CYBC1: variants seen among roughly 807,000 people sequenced by gnomAD.
The protein encoded by CYBC1 is cytochrome b-245 chaperone 1, also known as essential for reactive oxygen species protein.
Under a neutral mutation model 21.7 loss-of-function variants are expected in CYBC1, and 22 were observed. That is an observed-to-expected ratio of 1.02 (90% confidence interval 0.73 to 1.45). The LOEUF (loss-of-function observed/expected upper bound fraction) is 1.45, where lower values mean the gene tolerates loss of function less well. CYBC1 is among the 40% of genes most tolerant of loss of function. The pLI is 0.00. For synonymous variants in CYBC1, 112 were observed against 98.7 expected (o/e 1.13, Z -0.80); for missense variants, 237 against 242.1 (o/e 0.98, Z 0.14).
rs757608362 is a variant in CYBC1 at position 82,443,301 on chromosome 17, C to G, written c.*703G>C. The G allele has an allele frequency of 2.1e-5, 8 of 382,164 alleles. No homozygotes were observed. Among genetic ancestry groups the G allele is most frequent in the South Asian group, 1.7e-4 (8 of 48,170 alleles). 23.7% of individuals were successfully genotyped at this position (382,164 alleles called of 1,614,324 possible). ...TTATGCTGAAGCTGAGTGTGAGGAA[C>G]AGAGAGACCTTTCTGTGACGACCGC... On this transcript the variant is annotated 3_prime_UTR_variant, in exon 7 of 7. Transcript: ENST00000306645. This position sits in a 1 kb window ranked among gnomAD's most constrained non-coding sequence, Gnocchi z 6.7.
In CYBC1 at chr17:82,443,548, C is replaced by T. The variant is rs768949629; in HGVS notation, c.*456G>A. On this transcript the variant is annotated 3_prime_UTR_variant, in exon 7 of 7. Coordinates refer to ENST00000306645, the MANE Select transcript of CYBC1 (RefSeq NM_001033046.4). The surrounding 1 kb of genome is among the most constrained non-coding windows in gnomAD (Gnocchi z 6.7). ...TGCAGCATCAGCACCCACAAGGGCC[C>T]GGCCTGGCCCCGCCTCTCCACTCGC... is the stretch of plus-strand genomic sequence containing the variant. The T allele has an allele frequency of 4.7e-5, 33 of 701,298 alleles. No homozygotes were observed. The highest frequency in any genetic ancestry group is 3.3e-4 in the South Asian group (22 of 66,776). The allele number at this position is 701,298 out of a possible 1,614,324, so 43.4% of individuals were successfully genotyped here.
rs182787465 is a variant in CYBC1, at chr17:82,442,765, C to T, written c.*1239G>A. ...GGCTTTCACCGAGGTCACAGCCAGA[C>T]GTGGGGCAAAGGTGTTCCCTGTCCT... On this transcript the variant is annotated 3_prime_UTR_variant, in exon 7 of 7. Transcript: ENST00000306645. This position sits in a 1 kb window ranked among gnomAD's most constrained non-coding sequence, Gnocchi z 6.8. 4.7e-6 allele frequency: 3 copies of T among 640,416 alleles called. No homozygotes were observed. The highest frequency in any genetic ancestry group is 4.3e-5 in the South Asian group (2 of 46,662). The allele number at this position is 640,416 out of a possible 1,614,324, so 39.7% of individuals were successfully genotyped here.
intron 5 of CYBC1, 24 bp from the exon 6 acceptor site, chr17:82,444,615 G>A (rs765843396): frequency 4.0e-5 from 63 of 1,577,624 alleles, no homozygotes; most frequent in Non-Finnish European, 5.2e-5. Context: ...GTCAGTGGCC[G>A]AGCCATCCCC....
intron 4 of CYBC1, 118 bp from the exon 5 acceptor site, chr17:82,446,078 TC>T: frequency 1.3e-6 from 1 of 771,858 alleles, no homozygotes; most frequent in Non-Finnish European, 2.1e-6. Flanking sequence ...CTGGGGACCC[TC>T]CCAGTCAGAA....
At position 82,445,272 on chromosome 17, in the gene CYBC1, G is replaced by C. The variant is rs527339699; in HGVS notation, c.298+592C>G. On this transcript the variant is annotated intron_variant, in intron 5 of 6. Coordinates refer to ENST00000306645, the MANE Select transcript of CYBC1 (RefSeq NM_001033046.4). ...GTGCGGCAGCATCTACAGGAAACTG[G>C]TACTGACCACAGCTGGGCCAGTGCC... 13 of 155,544 alleles carry C rather than the reference G, an allele frequency of 8.4e-5. No individual in the cohort carries two copies. The South Asian group carries it at 2.0e-3, about 23-fold the overall frequency. The allele number at this position is 155,544 out of a possible 1,614,324, so 9.6% of individuals were successfully genotyped here. A position where few individuals can be genotyped will look rare whatever the true frequency, so the allele number is the denominator to read the frequency against.
At position 82,445,529 on chromosome 17, in the gene CYBC1, G is replaced by A. The variant is rs529866801; in HGVS notation, c.298+335C>T. The A allele has an allele frequency of 2.1e-4, 46 of 215,146 alleles. 2 individuals carry two copies. In the South Asian group the frequency reaches 2.9e-3, roughly 14 times the overall value. 13.3% of individuals were successfully genotyped at this position (215,146 alleles called of 1,614,324 possible). On this transcript the variant is annotated intron_variant, in intron 5 of 6. Coordinates refer to ENST00000306645, the MANE Select transcript of CYBC1 (RefSeq NM_001033046.4). ...GCAGACGGGAGAATGCAGCTAAACA[G>A]AGGCTGCCCGAGCCCGGGTGGGCCA...
Position 82,442,988 on chromosome 17 carries a change from C to T in CYBC1, c.*1016G>A, listed in dbSNP as rs532581480. ...TACGGGGTGGGGAGAAGTCTGTAGC[C>T]GAGAGCCCAGCCCCCTCCTGCCAGG... On this transcript the variant is annotated 3_prime_UTR_variant, in exon 7 of 7. Coordinates refer to ENST00000306645, the MANE Select transcript of CYBC1 (RefSeq NM_001033046.4). The surrounding 1 kb of genome is among the most constrained non-coding windows in gnomAD (Gnocchi z 6.8). The T allele has an allele frequency of 9.5e-4, 196 of 206,666 alleles. No individual in the cohort carries two copies. The highest frequency in any genetic ancestry group is 1.8e-3 in the Non-Finnish European group (183 of 101,464). 12.8% of individuals were successfully genotyped at this position (206,666 alleles called of 1,614,324 possible). A position where few individuals can be genotyped will look rare whatever the true frequency, so the allele number is the denominator to read the frequency against.
At position 82,449,235 on chromosome 17, in the gene CYBC1, G is replaced by T. The variant is rs1391049955; in HGVS notation, c.20C>A (p.Thr7Asn). Residue 7 changes from threonine (T) to asparagine (N), a missense_variant, in exon 2 of 7, where the codon ACC becomes AAC. Transcript: ENST00000306645. The part of the protein sequence containing the change: MYLQVE[T>N]RTSSRLHLKR... ...CAGATGGAGGCGGGAGCTGGTGCGG[G>T]TCTCCACCTGCAGGTACATCCCGAG... The T allele has an allele frequency of 6.3e-7, 1 of 1,575,894 alleles. No individual in the cohort carries two copies. The highest frequency in any genetic ancestry group is 2.3e-5 in the East Asian group (1 of 43,062).
intron 3 of CYBC1, 48 bp downstream of exon 3, chr17:82,447,532 C>T (rs752264294): frequency 6.7e-7 from 1 of 1,483,116 alleles, no homozygotes; most frequent in Non-Finnish European, 9.3e-7. Flanking sequence ...TCTCTGTTTT[C>T]CAAACAGCTG....
In CYBC1 at chr17:82,443,905, A is replaced by C. The variant is rs1205546889; in HGVS notation, c.*99T>G. On this transcript the variant is annotated 3_prime_UTR_variant, in exon 7 of 7. Transcript: ENST00000306645. This position sits in a 1 kb window ranked among gnomAD's most constrained non-coding sequence, Gnocchi z 6.7. ...GTGCACGGGCTCAGGCACACCGGGA[A>C]TGTGCCACGGGTCCTGTGGGCGGTG... 1.1e-6 allele frequency: 1 copy of C among 900,160 alleles called. No individual in the cohort carries two copies. The highest frequency in any genetic ancestry group is 1.3e-5 in the South Asian group (1 of 76,532). The allele number at this position is 900,160 out of a possible 1,614,324, so 55.8% of individuals were successfully genotyped here. A position where few individuals can be genotyped will look rare whatever the true frequency, so the allele number is the denominator to read the frequency against.
Position 82,442,606 on chromosome 17 carries a change from C to A in CYBC1, c.*1398G>T. The A allele has an allele frequency of 6.5e-7, 1 of 1,549,948 alleles. No homozygotes were observed. The highest frequency in any genetic ancestry group is 8.8e-7 in the Non-Finnish European group (1 of 1,141,748). On this transcript the variant is annotated 3_prime_UTR_variant, in exon 7 of 7. Coordinates refer to ENST00000306645, the MANE Select transcript of CYBC1 (RefSeq NM_001033046.4). This position sits in a 1 kb window ranked among gnomAD's most constrained non-coding sequence, Gnocchi z 6.8. Reference sequence around the variant, plus strand: ...CCCGCTTTGTGATCTGCATGTGTGACACTGATTCTTTGGAAATAAAGAGTG... The same window carrying A: ...CCCGCTTTGTGATCTGCATGTGTGAAACTGATTCTTTGGAAATAAAGAGTG...
chr17:82,445,419 G>A (rs776856697), intron 5 of CYBC1: 15 of 166,318 alleles, frequency 9.0e-5, no homozygotes, highest in South Asian at 2.6e-4. Context: ...ACTCCAGAAC[G>A]CCCACGGGCT....
At position 82,444,457 on chromosome 17, in the gene CYBC1, C is replaced by G. The variant is rs773343112; in HGVS notation, c.433G>C (p.Gly145Arg). Residue 145 changes from glycine (G) to arginine (R), a missense_variant, in exon 6 of 7, where the codon GGC (glycine) becomes CGC (arginine). By Grantham distance (125) the Gly-to-Arg change is moderately radical. Coordinates refer to ENST00000306645, the MANE Select transcript of CYBC1 (RefSeq NM_001033046.4). ...SHPLTQSAVM[G>R]HRSDVEAIAK... ...GTCCCACAGCCTTACCTGCGGTGGC[C>G]CATGACTGCACTCTGCGTGAGGGGG... is the stretch of plus-strand genomic sequence containing the variant. 1.3e-5 allele frequency: 21 copies of G among 1,609,022 alleles called. No homozygotes were observed. The highest frequency in any genetic ancestry group is 1.7e-5 in the Non-Finnish European group (20 of 1,176,422).
At chr17:82,444,888 C>T (rs1464764605) in intron 5 of CYBC1, 9 of 357,960 alleles carry the variant, frequency 2.5e-5, no homozygotes, top group African/African-American at 2.1e-5. Flanking sequence ...GCCATCTTTA[C>T]ACTGCACTGT....
intron 1 of CYBC1, 167 bp downstream of exon 1, chr17:82,450,533 C>G (rs1381111094): frequency 6.6e-6 from 1 of 152,224 alleles, no homozygotes; most frequent in Non-Finnish European, 1.5e-5. Flanking sequence ...CGGGGCCAAC[C>G]TGCAGCGGAA....
At position 82,443,191 on chromosome 17, in the gene CYBC1, A is replaced by C; in HGVS notation, c.*813T>G. ...CTCCGAAAGTGCTGGGATTACTGGC[A>C]TGAACCACTGCGCCCGGCTGGAGCT... On this transcript the variant is annotated 3_prime_UTR_variant, in exon 7 of 7. Transcript: ENST00000306645. The surrounding 1 kb of genome is among the most constrained non-coding windows in gnomAD (Gnocchi z 6.7). 3.4e-6 allele frequency: 1 copy of C among 296,064 alleles called. No homozygotes were observed. The highest frequency in any genetic ancestry group is 6.7e-6 in the Non-Finnish European group (1 of 149,622). 18.3% of individuals were successfully genotyped at this position (296,064 alleles called of 1,614,324 possible).
At chr17:82,444,401 C>T (rs200966536) in intron 6 of CYBC1, 46 bp downstream of exon 6, 51 of 1,566,144 alleles carry the variant, frequency 3.3e-5, no homozygotes, top group Non-Finnish European at 4.3e-5. Flanking sequence ...CGGGAGTGAC[C>T]TGCTACGGCT....
In CYBC1 at chr17:82,447,557, GGGTGGGGC is replaced by G; in HGVS notation, c.127+15_127+22del. 1 of 1,577,000 alleles carries G rather than the reference GGGTGGGGC, an allele frequency of 6.3e-7. No individual in the cohort carries two copies. The highest frequency in any genetic ancestry group is 8.6e-7 in the Non-Finnish European group (1 of 1,156,590). On this transcript the variant is annotated intron_variant, in intron 3 of 6. Transcript: ENST00000306645. ...CCAAACAGCTGAGACAGTCATGGGG[GGGTGGGGC>G]GGGGGGTGCTTTACCTCCGCTGTAG... is the stretch of plus-strand genomic sequence containing the variant.
rs1219273689 is a variant in CYBC1, at chr17:82,443,797, G to A, written c.*207C>T. ...GTCCTGTGGGCGGTGCACGGGCTCA[G>A]GCACACCGGGAATGTGCCACGGGTC... On this transcript the variant is annotated 3_prime_UTR_variant, in exon 7 of 7. Coordinates refer to ENST00000306645, the MANE Select transcript of CYBC1 (RefSeq NM_001033046.4). This position sits in a 1 kb window ranked among gnomAD's most constrained non-coding sequence, Gnocchi z 6.7. 1 of 836,140 alleles carries A rather than the reference G, an allele frequency of 1.2e-6. No homozygotes were observed. The highest frequency in any genetic ancestry group is 2.1e-6 in the Non-Finnish European group (1 of 484,684). The allele number at this position is 836,140 out of a possible 1,614,324, so 51.8% of individuals were successfully genotyped here.
Sources: allele counts gnomAD v4.1 joint callset, GRCh38; gene constraint gnomAD v4.1.1; non-coding constraint Gnocchi (gnomAD v3.1); transcripts MANE v1.5; gene names NCBI Gene and HGNC (gene_info 2026-07-23, HGNC 2026-07-21).